Variants in COQ6 observed in about 807,000 individuals in gnomAD.
COQ6 encodes ubiquinone biosynthesis monooxygenase COQ6, mitochondrial.
In COQ6, 45 loss-of-function variants were observed where a neutral mutation model predicts 55.5. The ratio of observed to expected loss-of-function variants is 0.81; its 90% CI spans 0.64 to 1.04. The LOEUF is 1.04. Among genes scored for constraint, COQ6 ranks in the 50% least tolerant of loss-of-function variants. The pLI, the probability that COQ6 is intolerant of heterozygous loss-of-function variation, is 0.00. For missense variants in COQ6, 550 were observed against 601.3 expected, an observed-to-expected ratio of 0.91 and a Z score of 0.89; for synonymous variants, 206 against 230.5, an observed-to-expected ratio of 0.89 and a Z score of 0.96.
At position 73,963,227 on chromosome 14, in the gene COQ6, C is replaced by T. The variant is rs1054912272; in HGVS notation, c.*228C>T. 1.0e-5 allele frequency: 6 copies of T among 580,284 alleles called. No homozygotes were observed. Among genetic ancestry groups the T allele is most frequent in the Admixed American group, 1.0e-4 (3 of 30,006 alleles). 35.9% of individuals were successfully genotyped at this position (580,284 alleles called of 1,614,324 possible). A position where few individuals can be genotyped will look rare whatever the true frequency, so the allele number is the denominator to read the frequency against. ...GGAAAAAACTTCGAAGGAAGACTTA[C>T]AATTTGGTTGAAAAGAGCTTTTTAT... is the stretch of plus-strand genomic sequence containing the variant. On this transcript the variant is annotated 3_prime_UTR_variant, in exon 12 of 12. Coordinates refer to ENST00000334571, the MANE Select transcript of COQ6 (RefSeq NM_182476.3).
At chr14:73,960,553 T>A in intron 8 of COQ6, 3 of 1,009,470 alleles carry the variant, frequency 3.0e-6, no homozygotes, top group Non-Finnish European at 3.6e-6. Context: ...CCATTTAGTA[T>A]ATATTCCTGG....
chr14:73,950,647 C>T, intron 1 of COQ6, 152 bp downstream of exon 1: 1 of 1,203,686 alleles, frequency 8.3e-7, no homozygotes. Context: ...CAGGGCACGC[C>T]GGAATGCGTG....
Position 73,950,454 on chromosome 14 carries a change from C to T in COQ6, c.122C>T (p.Ser41Leu), listed in dbSNP as rs2056142238. ...STDTVYDVVVSGGGLVGAAMA... is the reference protein window; with the variant it reads ...STDTVYDVVVLGGGLVGAAMA... The stretch of plus-strand genomic sequence containing the variant: ...GACACCGTGTATGACGTGGTGGTGT[C>T]GGGTGGAGGCCTGGTGGGCGCTGCC... Residue 41 changes from serine (S) to leucine (L), a missense_variant, in exon 1 of 12, where the codon TCG (serine) becomes TTG (leucine). Transcript: ENST00000334571. The T allele has an allele frequency of 6.2e-7, 1 of 1,609,744 alleles. No homozygotes were observed. Among genetic ancestry groups the T allele is most frequent in the African/African-American group, 1.3e-5 (1 of 74,968 alleles).
rs2056282659 is a variant in COQ6 at position 73,953,582 on chromosome 14, T to G, written c.298+13T>G. ...ACGCTTCTCAGTAGTGAGTAGAAGA[T>G]CCTCCTTCAAAGATCCAATCTCCTT... On this transcript the variant is annotated intron_variant, in intron 2 of 11. Coordinates refer to ENST00000334571, the MANE Select transcript of COQ6 (RefSeq NM_182476.3). 3 of 1,614,022 alleles carry G rather than the reference T, an allele frequency of 1.9e-6. No homozygotes were observed. Among genetic ancestry groups the G allele is most frequent in the Admixed American group, 3.3e-5 (2 of 59,996 alleles).
At chr14:73,962,788 G>A in intron 11 of COQ6, 182 bp from the exon 12 acceptor site, 1 of 622,202 alleles carries the variant, frequency 1.6e-6, no homozygotes, top group Non-Finnish European at 2.9e-6. Flanking sequence ...CTGCACTCCA[G>A]CCCAGTCAAC....
At chr14:73,950,701 C>A in intron 1 of COQ6, 1 of 707,584 alleles carries the variant, frequency 1.4e-6, no homozygotes, top group Non-Finnish European at 2.3e-6. Context: ...GAGGGGCGTT[C>A]AGAGTCTGTT....
intron 2 of COQ6, among the ~76,000 whole-genome samples, chr14:73,954,855 A>AAG (rs1392052905): frequency 6.6e-6 from 1 of 150,902 alleles, no homozygotes; most frequent in Non-Finnish European, 1.5e-5. Context: ...AAAAAAAAAA[A>AAG]AAAAAAATAC....
Position 73,950,360 on chromosome 14 carries a change from G to T in COQ6, c.28G>T (p.Gly10Trp), listed in dbSNP as rs920178539. 2 of 1,558,662 alleles carry T rather than the reference G, an allele frequency of 1.3e-6. No homozygotes were observed. The highest frequency in any genetic ancestry group is 1.7e-6 in the Non-Finnish European group (2 of 1,154,232). The change falls in exon 1 of 12, where the codon GGG becomes TGG. Residue 10 changes from glycine to tryptophan, a missense_variant. By Grantham distance (184) the Gly-to-Trp change is radical. Coordinates refer to ENST00000334571, the MANE Select transcript of COQ6 (RefSeq NM_182476.3). ...GGCGGCCCGGCTTGTCAGCCGATGC[G>T]GGGCTGTGCGTGCAGCTCCCCACAG... MAARLVSRC[G>W]AVRAAPHSGP...
At chr14:73,955,374 C>G in intron 2 of COQ6, 77 bp from the exon 3 acceptor site, 1 of 1,062,918 alleles carries the variant, frequency 9.4e-7, no homozygotes, top group Non-Finnish European at 1.5e-6. Context: ...CAACCTCTTA[C>G]GTAACAGGAT....
chr14:73,952,026 A>G (rs1025411458), intron 1 of COQ6, among the ~76,000 whole-genome samples: 13 of 147,450 alleles, frequency 8.8e-5, no homozygotes, highest in Non-Finnish European at 1.6e-4. Context: ...TTTACAGAGC[A>G]TGCTCTACAG....
At position 73,955,189 on chromosome 14, in the gene COQ6, G is replaced by A. The variant is rs182241278; in HGVS notation, c.299-262G>A. 469 of 503,058 alleles carry A rather than the reference G, an allele frequency of 9.3e-4. 2 individuals are homozygous for A. Among genetic ancestry groups the A allele is most frequent in the African/African-American group, 7.7e-3 (398 of 51,522 alleles). The allele number at this position is 503,058 out of a possible 1,614,324, so 31.2% of individuals were successfully genotyped here. On this transcript the variant is annotated intron_variant, in intron 2 of 11. Transcript: ENST00000334571. ...AGGATGGTCTCTATCTCCTGATCTC[G>A]TGATCCGCCCGCCTCAGTCTCCCAA...
At chr14:73,956,041 A>T in intron 4 of COQ6, 113 bp downstream of exon 4, 1 of 1,510,392 alleles carries the variant, frequency 6.6e-7, no homozygotes, top group South Asian at 1.1e-5. Context: ...AAATCCTCTG[A>T]TGGCCGGGTG....
intron 8 of COQ6, chr14:73,960,773 G>A (rs2056682803): frequency 5.0e-6 from 2 of 399,710 alleles, no homozygotes; most frequent in Non-Finnish European, 4.4e-6. Flanking sequence ...AAGACTGGAG[G>A]AGTTAAAAAG....
chr14:73,961,335 C>T lies in COQ6; in HGVS notation c.1054C>T (p.His352Tyr), dbSNP rs1255058569. ...SRVLFPLGLGHAAEYVRPRVA... is the reference protein window; with the variant it reads ...SRVLFPLGLGYAAEYVRPRVA... ...AGTTCTGTTTCCTCTTGGGTTGGGA[C>T]ATGCTGCTGAGTACGTCAGGCCTCG... Residue 352 changes from histidine to tyrosine, a missense_variant, in exon 9 of 12, where the codon CAT becomes TAT. Physicochemically the swap from His to Tyr is moderately conservative, Grantham distance 83. Coordinates refer to ENST00000334571, the MANE Select transcript of COQ6 (RefSeq NM_182476.3). 1.9e-6 allele frequency: 3 copies of T among 1,614,216 alleles called. No homozygotes were observed. The highest frequency in any genetic ancestry group is 2.5e-6 in the Non-Finnish European group (3 of 1,180,046).
Position 73,961,514 on chromosome 14 carries a change from A to C in COQ6, c.1154A>C (p.Asp385Ala). Residue 385 changes from aspartate (D) to alanine (A), a missense_variant, in exon 10 of 12, where the codon GAT (aspartate) becomes GCT (alanine). By Grantham distance (126) the Asp-to-Ala change is moderately radical. Transcript: ENST00000334571. Reference protein sequence around the residue: ...AGQGVNMGFGDISSLAHHLST... With the variant: ...AGQGVNMGFGAISSLAHHLST... ...CAGGGTGTCAACATGGGCTTTGGGG[A>C]TATCTCCAGCTTGGCCCATCACCTC... is the stretch of plus-strand genomic sequence containing the variant. 4.3e-6 allele frequency: 7 copies of C among 1,614,128 alleles called. No homozygotes were observed. Among genetic ancestry groups the C allele is most frequent in the Non-Finnish European group, 5.1e-6 (6 of 1,180,030 alleles).
chr14:73,952,029 C>CT (rs1345098547), intron 1 of COQ6, among the ~76,000 whole-genome samples: 1 of 148,768 alleles, frequency 6.7e-6, no homozygotes, highest in Non-Finnish European at 1.5e-5. Flanking sequence ...ACAGAGCATG[C>CT]TCTACAGAGC....
intron 8 of COQ6, 188 bp from the exon 9 acceptor site, chr14:73,960,985 C>A: frequency 1.4e-6 from 1 of 730,028 alleles, no homozygotes; most frequent in Non-Finnish European, 2.3e-6. Flanking sequence ...TTGGCTAGAT[C>A]TTAAAACCTC....
intron 7 of COQ6, 49 bp from the exon 8 acceptor site, chr14:73,959,366 C>CAAGTGCA: frequency 6.2e-7 from 1 of 1,614,122 alleles, no homozygotes; most frequent in Non-Finnish European, 8.5e-7. Context: ...TGAGAGTTTC[C>CAAGTGCA]AAGTGCAGCA....
rs559873718 is a variant in COQ6, at chr14:73,961,308, C to A, written c.1027C>A (p.Arg343=). Reference sequence around the variant, plus strand: ...CGTAGCCAGGGTGGATGCCAAAAGCCGAGTTCTGTTTCCTCTTGGGTTGGG... The same window carrying A: ...CGTAGCCAGGGTGGATGCCAAAAGCAGAGTTCTGTTTCCTCTTGGGTTGGG... ...PSVARVDAKS[R]VLFPLGLGHA... is the part of the protein sequence containing the mutation. The change falls in exon 9 of 12, where the codon CGA becomes AGA. Residue 343 remains arginine (R), a synonymous_variant. Coordinates refer to ENST00000334571, the MANE Select transcript of COQ6 (RefSeq NM_182476.3). 2.5e-6 allele frequency: 4 copies of A among 1,614,196 alleles called. No homozygotes were observed. In the Admixed American group the frequency reaches 6.7e-5, roughly 27 times the overall value.
Sources: gnomAD v4.1 joint callset for allele counts (sites outside exome capture counted in the v4.1 genomes callset) on GRCh38, gnomAD v4.1.1 for gene constraint, MANE v1.5 for transcripts, NCBI Gene and HGNC (gene_info 2026-07-23, HGNC 2026-07-21) for gene names.